The following RNF212B variants were observed in gnomAD, a reference collection of about 807,000 sequenced individuals.
RNF212B encodes the protein E3 ubiquitin-protein ligase RNF212B.
A neutral mutation model predicts 55.5 loss-of-function variants in RNF212B; 52 were observed. The ratio of observed to expected loss-of-function variants is 0.94; its 90% CI spans 0.75 to 1.18. The LOEUF is 1.18. RNF212B is among the 50% of genes most tolerant of loss of function. The pLI, the probability that RNF212B is intolerant of heterozygous loss-of-function variation, is 0.00. For missense variants in RNF212B, 289 were observed against 350.4 expected (o/e 0.82, Z 1.40); for synonymous variants, 99 against 121.4 (o/e 0.82, Z 1.21).
intron 12 of RNF212B, 39 bp from the exon 13 acceptor site, chr14:23,269,824 G>C (rs1489827491): frequency 2.6e-6 from 3 of 1,156,472 alleles, no homozygotes; most frequent in African/African-American, 3.1e-5. Context: ...ACCTTTACCT[G>C]TCCTTTTCTC....
rs901376132 is a variant in RNF212B at position 23,225,920 on chromosome 14, A to G, written c.-1-14425A>G. Among the ~76,000 whole-genome samples the G allele has an allele frequency of 2.0e-5, 3 of 152,336 alleles. No individual in the cohort carries two copies. The East Asian group carries it at 5.8e-4, about 29-fold the overall frequency. On this transcript the variant is annotated intron_variant, in intron 2 of 15. Coordinates refer to the RNF212B transcript ENST00000399910. Reference sequence around the variant, plus strand: ...TCATGATGTGAATATTACTCATTGCACTATTACACATTGCAAAATATCTCA... The same window carrying G: ...TCATGATGTGAATATTACTCATTGCGCTATTACACATTGCAAAATATCTCA...
intron 2 of RNF212B, chr14:23,230,136 T>A (rs182666113): frequency 4.0e-4 from 66 of 166,538 alleles, no homozygotes; most frequent in Non-Finnish European, 7.7e-4. Flanking sequence ...CGGAGTCGAA[T>A]ACACACCACA....
intron 2 of RNF212B, among the ~76,000 whole-genome samples, chr14:23,193,934 T>A (rs1566386405): frequency 6.6e-6 from 1 of 152,080 alleles, no homozygotes; most frequent in East Asian, 1.9e-4. Context: ...CTCCGCCTCC[T>A]GGGTTCAAGC....
intron 2 of RNF212B, among the ~76,000 whole-genome samples, chr14:23,198,198 G>A (rs1323319738): frequency 6.6e-6 from 1 of 152,108 alleles, no homozygotes; most frequent in Non-Finnish European, 1.5e-5. Context: ...TTACTGAAAT[G>A]TTTAAAAAAT....
chr14:23,254,370 C>T (rs1275201873), intron 4 of RNF212B, among the ~76,000 whole-genome samples: 1 of 151,832 alleles, frequency 6.6e-6, no homozygotes, highest in Non-Finnish European at 1.5e-5. Flanking sequence ...CATGGTGGCT[C>T]ACTCCTATAA....
chr14:23,196,744 A>G (rs1235260826), intron 2 of RNF212B, among the ~76,000 whole-genome samples: 1 of 152,102 alleles, frequency 6.6e-6, no homozygotes, highest in African/African-American at 2.4e-5. Context: ...TCTAGGGCCC[A>G]AAGGGCTTTT....
chr14:23,217,459 A>G (rs925795623), intron 2 of RNF212B, among the ~76,000 whole-genome samples: 2 of 152,222 alleles, frequency 1.3e-5, no homozygotes, highest in African/African-American at 4.8e-5. Flanking sequence ...GCCTTGGCCA[A>G]GAAATAGTGC....
intron 1 of RNF212B, among the ~76,000 whole-genome samples, chr14:23,189,833 C>A (rs1877948802): frequency 1.3e-5 from 2 of 152,048 alleles, no homozygotes; most frequent in South Asian, 4.1e-4. Flanking sequence ...ATGAACAGAA[C>A]TTCCCTTGAT....
chr14:23,233,072 T>C (rs1045396159), upstream of RNF212B, among the ~76,000 whole-genome samples: 1 of 152,258 alleles, frequency 6.6e-6, no homozygotes, highest in Admixed American at 6.5e-5. Context: ...AGAAAAATTC[T>C]TCTGCCTTGG....
At chr14:23,240,049 C>A (rs1200457326) in intron 1 of RNF212B, among the ~76,000 whole-genome samples, 1 of 143,356 alleles carries the variant, frequency 7.0e-6, no homozygotes. Context: ...AAAAAAAAAT[C>A]TCACCACTGT....
At chr14:23,237,339 A>G (rs981078242), upstream of RNF212B, among the ~76,000 whole-genome samples, 1 of 152,184 alleles carries the variant, frequency 6.6e-6, no homozygotes, top group African/African-American at 2.4e-5. Flanking sequence ...CATGTTGGCC[A>G]GTCTGGTCTA....
Position 23,264,672 on chromosome 14 carries a change from G to A in RNF212B, c.634+1G>A. 1 of 1,303,034 alleles carries A rather than the reference G, an allele frequency of 7.7e-7. No individual in the cohort carries two copies. Among genetic ancestry groups the A allele is most frequent in the Non-Finnish European group, 9.8e-7 (1 of 1,017,268 alleles). 80.7% of individuals were successfully genotyped at this position (1,303,034 alleles called of 1,614,324 possible). ...AGAACTCCCAGAGACTCTTATAATG[G>A]TGAGGTGGGGGGAAAAGGGTGTCAG... On this transcript the variant is annotated splice_donor_variant, in intron 11 of 14. Transcript: ENST00000430154. LOFTEE classifies it high-confidence loss of function.
At chr14:23,226,935 A>G (rs1882090598) in intron 2 of RNF212B, among the ~76,000 whole-genome samples, 1 of 150,936 alleles carries the variant, frequency 6.6e-6, no homozygotes, top group Non-Finnish European at 1.5e-5. Context: ...GAGCCATCAC[A>G]CCCGGCCCTT....
chr14:23,211,214 T>C, intron 2 of RNF212B, among the ~76,000 whole-genome samples: 1 of 79,562 alleles, frequency 1.3e-5, no homozygotes. Flanking sequence ...TGAGACTCTG[T>C]CTCAAAAAAA....
chr14:23,238,744 A>G (rs994506215), intron 1 of RNF212B, among the ~76,000 whole-genome samples: 1 of 111,638 alleles, frequency 9.0e-6, no homozygotes, highest in African/African-American at 3.9e-5. Context: ...TCAAAATAAT[A>G]ATAATAATAA....
chr14:23,263,998 G>T (rs1172353615), intron 9 of RNF212B, among the ~76,000 whole-genome samples, 176 bp from the exon 10 acceptor site: 1 of 152,136 alleles, frequency 6.6e-6, no homozygotes, highest in Admixed American at 6.5e-5. Flanking sequence ...TGAGGCATGA[G>T]AATCACTTGA....
intron 4 of RNF212B, among the ~76,000 whole-genome samples, chr14:23,252,335 C>T (rs1399398226): frequency 3.3e-5 from 5 of 152,138 alleles, no homozygotes; most frequent in African/African-American, 4.8e-5. Context: ...GTATTTCTTA[C>T]ACCACACCCT....
At chr14:23,191,518 T>C (rs554538960) in intron 1 of RNF212B, among the ~76,000 whole-genome samples, 5 of 152,126 alleles carry the variant, frequency 3.3e-5, no homozygotes, top group African/African-American at 4.8e-5. Flanking sequence ...AGTTGGTTTT[T>C]CTAGGGGGTA....
intron 2 of RNF212B, among the ~76,000 whole-genome samples, chr14:23,218,679 A>C (rs1185069336): frequency 2.0e-5 from 3 of 152,294 alleles, no homozygotes; most frequent in Middle Eastern, 3.4e-3. Flanking sequence ...CAAGATCTAG[A>C]AAATAGCCTC....
Sources: allele counts gnomAD v4.1 joint callset (sites outside exome capture counted in the v4.1 genomes callset), GRCh38; gene constraint gnomAD v4.1.1; transcripts MANE v1.5; gene names NCBI Gene and HGNC (gene_info 2026-07-23, HGNC 2026-07-21).